MAP3K5: variants seen among roughly 807,000 people sequenced by gnomAD.
MAP3K5 encodes the protein ASK-1.
In MAP3K5, 56 loss-of-function variants were observed where a neutral mutation model predicts 158.7. That is an observed-to-expected ratio of 0.35 (90% CI 0.28 to 0.44). MAP3K5 has a LOEUF of 0.44. Among genes scored for constraint, MAP3K5 ranks in the 20% least tolerant of loss-of-function variants. MAP3K5 has a pLI of 1.00. For missense variants in MAP3K5, 1,294 were observed against 1,674.8 expected (o/e 0.77, Z 3.97); for synonymous variants, 579 against 601.7 (o/e 0.96, Z 0.55).
At chr6:136,624,673 G>A (rs1776954009) in intron 14 of MAP3K5, among the ~76,000 whole-genome samples, 1 of 151,894 alleles carries the variant, frequency 6.6e-6, no homozygotes, top group South Asian at 2.1e-4. Flanking sequence ...AATAACCAAT[G>A]GGTTAAAAAG....
intron 2 of MAP3K5, among the ~76,000 whole-genome samples, chr6:136,706,752 T>C (rs1583452519): frequency 1.3e-5 from 2 of 152,216 alleles, no homozygotes; most frequent in Middle Eastern, 6.8e-3. Context: ...CAAAGGAGCA[T>C]GTAAGATTTT....
At position 136,557,488 on chromosome 6, in the gene MAP3K5, G is replaced by T. The variant is rs140092793; in HGVS notation, c.*270C>A. ...GCATTAAAAATATTTCCATAAAAAT[G>T]CTTAGATTAAAATCTTCCTGAACAT... On this transcript the variant is annotated 3_prime_UTR_variant, in exon 30 of 30. Transcript: ENST00000359015. 31 of 312,242 alleles carry T rather than the reference G, an allele frequency of 9.9e-5. No individual in the cohort carries two copies. The highest frequency in any genetic ancestry group is 5.2e-4 in the African/African-American group (24 of 46,008). 19.3% of individuals were successfully genotyped at this position (312,242 alleles called of 1,614,324 possible).
chr6:136,747,071 G>A (rs531321721), intron 1 of MAP3K5, among the ~76,000 whole-genome samples: 11 of 152,170 alleles, frequency 7.2e-5, no homozygotes, highest in Non-Finnish European at 1.5e-4. Flanking sequence ...ATAAGCACGC[G>A]CCACCATGTC....
At chr6:136,782,487 A>G (rs1178196295) in intron 1 of MAP3K5, among the ~76,000 whole-genome samples, 6 of 152,086 alleles carry the variant, frequency 3.9e-5, no homozygotes, top group Non-Finnish European at 8.8e-5. Context: ...GGTGTAGAAG[A>G]GGCTACAAGT....
chr6:136,722,241 T>C (rs906673238), intron 1 of MAP3K5, among the ~76,000 whole-genome samples: 19 of 152,194 alleles, frequency 1.2e-4, no homozygotes, highest in Admixed American at 4.6e-4. Flanking sequence ...AGAGCTTCCT[T>C]TGCAATTGCA....
intron 20 of MAP3K5, 82 bp from the exon 21 acceptor site, chr6:136,601,124 C>T (rs1775856569): frequency 1.5e-6 from 2 of 1,343,816 alleles, no homozygotes; most frequent in East Asian, 2.3e-5. Flanking sequence ...AAAATGAATG[C>T]CTGAAATGGG....
chr6:136,623,824 C>T (rs1000031322), intron 14 of MAP3K5, among the ~76,000 whole-genome samples: 4 of 152,190 alleles, frequency 2.6e-5, no homozygotes, highest in Non-Finnish European at 5.9e-5. Context: ...ATATAGTCTA[C>T]ATTTTGCTGG....
At chr6:136,571,893 A>C (rs550692150) in intron 25 of MAP3K5, among the ~76,000 whole-genome samples, 1 of 152,150 alleles carries the variant, frequency 6.6e-6, no homozygotes, top group Non-Finnish European at 1.5e-5. Flanking sequence ...AAGGATTCCA[A>C]TTTCTCCATG....
chr6:136,580,810 T>G (rs1774838329), intron 24 of MAP3K5, among the ~76,000 whole-genome samples: 1 of 152,076 alleles, frequency 6.6e-6, no homozygotes, highest in Non-Finnish European at 1.5e-5. Context: ...CTTCTTATTA[T>G]TATTATTATT....
intron 14 of MAP3K5, 96 bp from the exon 15 acceptor site, chr6:136,623,077 A>C (rs1776882498): frequency 1.8e-6 from 2 of 1,122,232 alleles, no homozygotes; most frequent in Non-Finnish European, 2.6e-6. Flanking sequence ...TCCTTATCTT[A>C]TCAGATGGCA....
chr6:136,707,208 A>G (rs1027991214), intron 2 of MAP3K5, among the ~76,000 whole-genome samples: 3 of 152,260 alleles, frequency 2.0e-5, no homozygotes, highest in African/African-American at 4.8e-5. Context: ...TTGCTGATAG[A>G]AAAGGGACAT....
intron 23 of MAP3K5, among the ~76,000 whole-genome samples, chr6:136,585,289 A>T (rs1176875235): frequency 1.8e-4 from 27 of 150,172 alleles, no homozygotes; most frequent in African/African-American, 6.1e-4. Context: ...AATTTTTTTT[A>T]AAACTTTTTG....
chr6:136,666,880 A>G (rs1461985327), intron 8 of MAP3K5, among the ~76,000 whole-genome samples: 5 of 152,232 alleles, frequency 3.3e-5, no homozygotes, highest in African/African-American at 1.2e-4. Flanking sequence ...TTAAGTCTGT[A>G]TATGTTATGC....
Position 136,613,074 on chromosome 6 carries a change from C to A in MAP3K5, c.2415+46G>T. On this transcript the variant is annotated intron_variant, in intron 17 of 29. Transcript: ENST00000359015. The surrounding 1 kb of genome is among the most constrained non-coding windows in gnomAD (Gnocchi z 4.0). ...ATGACTTTTGCAAGTAAAATAATAA[C>A]CCAGCAAAGAAAGAACTCATGAAAA... 1 of 1,538,004 alleles carries A rather than the reference C, an allele frequency of 6.5e-7. No homozygotes were observed.
intron 1 of MAP3K5, among the ~76,000 whole-genome samples, chr6:136,724,117 A>G (rs964567323): frequency 2.0e-5 from 3 of 152,220 alleles, no homozygotes; most frequent in African/African-American, 7.2e-5. Flanking sequence ...GAGACATGCA[A>G]AGAAAAATAC....
intron 2 of MAP3K5, among the ~76,000 whole-genome samples, chr6:136,720,227 G>A (rs1028565): frequency 0.38 from 57,917 of 151,942 alleles, 12,462 homozygotes; most frequent in Middle Eastern, 0.49. Context: ...CTACAACCAT[G>A]ACTGAAACTC....
At position 136,592,410 on chromosome 6, in the gene MAP3K5, C is replaced by T. The variant is rs188556704; in HGVS notation, c.3056+27G>A. The T allele has an allele frequency of 1.2e-4, 198 of 1,610,778 alleles. 3 individuals are homozygous for T. In the Admixed American group the frequency reaches 3.3e-3, roughly 27 times the overall value. On this transcript the variant is annotated intron_variant, in intron 22 of 29. Transcript: ENST00000359015. ...ATGACACACTTAACAACACACTTCT[C>T]TCACCCCAAGTAAGTCAGGTCTTTA... is the stretch of plus-strand genomic sequence containing the variant.
intron 7 of MAP3K5, among the ~76,000 whole-genome samples, chr6:136,675,258 A>G (rs979153205): frequency 6.6e-6 from 1 of 152,066 alleles, no homozygotes. Flanking sequence ...ATCTTAAAAC[A>G]CTTTCTCAGT....
chr6:136,694,374 T>G, intron 6 of MAP3K5, 64 bp from the exon 7 acceptor site: 1 of 1,315,632 alleles, frequency 7.6e-7, no homozygotes, highest in African/African-American at 1.5e-5. Flanking sequence ...AATTCTTTTT[T>G]AAAAACCCTA....
Sources: allele counts gnomAD v4.1 joint callset (sites outside exome capture counted in the v4.1 genomes callset), GRCh38; gene constraint gnomAD v4.1.1; non-coding constraint Gnocchi (gnomAD v3.1); transcripts MANE v1.5; gene names NCBI Gene and HGNC (gene_info 2026-07-23, HGNC 2026-07-21).